The following VWA7 variants were observed in gnomAD, a reference collection of about 807,000 sequenced individuals.
VWA7 encodes the protein von Willebrand factor A domain containing 7.
In VWA7, 66 loss-of-function variants were observed where a neutral mutation model predicts 83.1. The ratio of observed to expected loss-of-function variants is 0.79; its 90% CI spans 0.65 to 0.98. VWA7 has a LOEUF of 0.98. VWA7 is among the 50% of genes least tolerant of loss of function. The probability of loss-of-function intolerance (pLI) is 0.00; values close to 1 mark genes in which losing one functional copy is unlikely to be tolerated. For missense variants in VWA7, 1,080 were observed against 1,160.2 expected (o/e 0.93, Z 1.00); for synonymous variants, 424 against 488.5 (o/e 0.87, Z 1.74).
intron 10 of VWA7, 129 bp from the exon 11 acceptor site, chr6:31,767,883 A>G (rs1269257281): frequency 5.4e-6 from 6 of 1,120,040 alleles, no homozygotes; most frequent in African/African-American, 3.1e-5. Context: ...CTGTAATCCC[A>G]GCACTTTGGG....
rs369499297 is a variant in VWA7, at chr6:31,765,898, C to T, written c.2484G>A (p.Ser828=). The T allele has an allele frequency of 1.5e-5, 24 of 1,613,060 alleles. No individual in the cohort carries two copies. Among genetic ancestry groups the T allele is most frequent in the East Asian group, 1.1e-4 (5 of 44,882 alleles). ...GGTTCCTCACCTGCGGGGCTGGGGC[C>T]GATACCAGGAGCCGGAGGAAAGCAT... The part of the protein sequence containing the change: ...PTHAFLRLLV[S]APAPQDRHTT... The change falls in exon 16 of 17, where the codon TCG becomes TCA. Residue 828 remains serine, a synonymous_variant. Transcript: ENST00000375688.
chr6:31,766,173 C>G lies in VWA7; in HGVS notation c.2324+72G>C. On this transcript the variant is annotated intron_variant, in intron 15 of 16. Transcript: ENST00000375688. This position sits in a 1 kb window ranked among gnomAD's most constrained non-coding sequence, Gnocchi z 4.9. Reference sequence around the variant, plus strand: ...ATTCTGAGGGCCAGTCGGAGGGGGACAGGGGCAGGGCTTGGGATAAGCATT... The same window carrying G: ...ATTCTGAGGGCCAGTCGGAGGGGGAGAGGGGCAGGGCTTGGGATAAGCATT... 6.3e-7 allele frequency: 1 copy of G among 1,596,062 alleles called. No homozygotes were observed. The highest frequency in any genetic ancestry group is 1.1e-5 in the South Asian group (1 of 89,398).
Position 31,769,131 on chromosome 6 carries a change from G to T in VWA7, c.1390C>A (p.Arg464Ser). Residue 464 changes from arginine to serine, a missense_variant, in exon 10 of 17, where the codon CGT becomes AGT. Arg to Ser is a moderately radical substitution (Grantham distance 110). Transcript: ENST00000375688. This position sits in a 1 kb window ranked among gnomAD's most constrained non-coding sequence, Gnocchi z 4.5. ...GCCACTGCTTTGTATGGCTCAAAAC[G>T]CAGAGGGGACAAGATCTCACGCCGA... ...RARREILSPL[R>S]FEPYKAVALA... The T allele has an allele frequency of 6.2e-7, 1 of 1,613,066 alleles. No homozygotes were observed. The highest frequency in any genetic ancestry group is 8.5e-7 in the Non-Finnish European group (1 of 1,180,028).
chr6:31,772,927 C>T (rs764586383), intron 7 of VWA7, 27 bp downstream of exon 7: 60 of 1,598,858 alleles, frequency 3.8e-5, no homozygotes, highest in African/African-American at 5.3e-5. Context: ...TTCCTCCCCT[C>T]TACTGTCCTA....
chr6:31,766,569 G>A lies in VWA7; in HGVS notation c.2078C>T (p.Ser693Phe). 6.2e-7 allele frequency: 1 copy of A among 1,612,914 alleles called. No homozygotes were observed. Among genetic ancestry groups the A allele is most frequent in the Non-Finnish European group, 8.5e-7 (1 of 1,180,016 alleles). Residue 693 changes from serine (S) to phenylalanine (F), a missense_variant, in exon 14 of 17, where the codon TCC becomes TTC. Transcript: ENST00000375688. This position sits in a 1 kb window ranked among gnomAD's most constrained non-coding sequence, Gnocchi z 4.9. Reference protein sequence around the residue: ...LAASLSPTLLSTPRPFSLELI... With the variant: ...LAASLSPTLLFTPRPFSLELI... Reference sequence around the variant, plus strand: ...CTCCAGGGAGAAGGGTCTAGGGGTGGACAGCAGCGTGGGCGACAGCGAGGC... The same window carrying A: ...CTCCAGGGAGAAGGGTCTAGGGGTGAACAGCAGCGTGGGCGACAGCGAGGC...
Position 31,767,717 on chromosome 6 carries a change from C to T in VWA7, c.1541G>A (p.Gly514Glu). 6.2e-7 allele frequency: 1 copy of T among 1,612,780 alleles called. No individual in the cohort carries two copies. The highest frequency in any genetic ancestry group is 8.5e-7 in the Non-Finnish European group (1 of 1,178,896). Reference sequence around the variant, plus strand: ...ATCCACGCTGAACACAAGTGGCTGCCCAGGCACCACAACAGGAGGGTCCAG... The same window carrying T: ...ATCCACGCTGAACACAAGTGGCTGCTCAGGCACCACAACAGGAGGGTCCAG... ...LPLDPPVVVPGQPLVFSVDGL... is the reference protein window; with the variant it reads ...LPLDPPVVVPEQPLVFSVDGL... Residue 514 changes from glycine to glutamate, a missense_variant, in exon 11 of 17, where the codon GGG becomes GAG. By Grantham distance (98) the Gly-to-Glu change is moderately conservative. Coordinates refer to ENST00000375688, the MANE Select transcript of VWA7 (RefSeq NM_025258.3).
Position 31,770,195 on chromosome 6 carries a change from G to T in VWA7, c.1088-82C>A, listed in dbSNP as rs1442183425. ...CCAGAGCCACCTCCCCAGTTGAGGG[G>T]CCTGGTGTGCTTCTGGAGCCGACAG... On this transcript the variant is annotated intron_variant, in intron 7 of 16. Coordinates refer to ENST00000375688, the MANE Select transcript of VWA7 (RefSeq NM_025258.3). 4 of 1,100,360 alleles carry T rather than the reference G, an allele frequency of 3.6e-6. No individual in the cohort carries two copies. In the South Asian group the frequency reaches 5.5e-5, roughly 15 times the overall value. The allele number at this position is 1,100,360 out of a possible 1,614,324, so 68.2% of individuals were successfully genotyped here.
In VWA7 at chr6:31,774,622, G is replaced by A. The variant is rs777262602; in HGVS notation, c.615C>T (p.Ala205=). The change falls in exon 5 of 17, where the codon GCC becomes GCT. Residue 205 remains alanine, a synonymous_variant. Coordinates refer to ENST00000375688, the MANE Select transcript of VWA7 (RefSeq NM_025258.3). The part of the protein sequence containing the change: ...RQELQNLAQV[A]DPTCSDCEEL... ...CCTCGCAATCGGAGCAGGTAGGATCGGCCACTGGGAAGAGAGGGCAGGGCT... is the reference window on the plus strand; with the variant it reads ...CCTCGCAATCGGAGCAGGTAGGATCAGCCACTGGGAAGAGAGGGCAGGGCT... The A allele has an allele frequency of 2.5e-5, 40 of 1,611,152 alleles. No individual in the cohort carries two copies. Among genetic ancestry groups the A allele is most frequent in the Non-Finnish European group, 3.1e-5 (36 of 1,179,224 alleles).
In VWA7 at chr6:31,766,316, G is replaced by A; in HGVS notation, c.2253C>T (p.Phe751=). The A allele has an allele frequency of 6.2e-7, 1 of 1,611,814 alleles. No individual in the cohort carries two copies. Among genetic ancestry groups the A allele is most frequent in the Non-Finnish European group, 8.5e-7 (1 of 1,179,652 alleles). ...KVPLSLRIAS[F]SGPQDLDLRT... is the part of the protein sequence containing the mutation. ...TAAGGTCAAGATCCTGAGGGCCCGA[G>A]AAGCTGGCGATGCGGAGACTGAGCG... The change falls in exon 15 of 17, where the codon TTC becomes TTT. Residue 751 remains phenylalanine, a synonymous_variant. Transcript: ENST00000375688. The surrounding 1 kb of genome is among the most constrained non-coding windows in gnomAD (Gnocchi z 4.9).
Position 31,765,748 on chromosome 6 carries a change from C to G in VWA7, c.2522G>C (p.Gly841Ala), listed in dbSNP as rs1464513985. 1 of 1,588,044 alleles carries G rather than the reference C, an allele frequency of 6.3e-7. No homozygotes were observed. Among genetic ancestry groups the G allele is most frequent in the South Asian group, 1.1e-5 (1 of 87,596 alleles). ...APQDRHTTPT[G>A]SSDPILTTAT... ...CGTGGTGAGGATCGGGTCAGATGAG[C>G]CGGTAGGGGTGGTGTGCCGGTCCTG... Residue 841 changes from glycine (G) to alanine (A), a missense_variant, in exon 17 of 17, where the codon GGC becomes GCC. Coordinates refer to ENST00000375688, the MANE Select transcript of VWA7 (RefSeq NM_025258.3).
rs533427427 is a variant in VWA7, at chr6:31,775,875, T to C, written c.513+89A>G. 7.9e-6 allele frequency: 12 copies of C among 1,509,972 alleles called. No individual in the cohort carries two copies. Among genetic ancestry groups the C allele is most frequent in the Admixed American group, 2.1e-5 (1 of 47,162 alleles). 93.5% of individuals were successfully genotyped at this position (1,509,972 alleles called of 1,614,324 possible). A position where few individuals can be genotyped will look rare whatever the true frequency, so the allele number is the denominator to read the frequency against. On this transcript the variant is annotated intron_variant, in intron 3 of 16. Coordinates refer to ENST00000375688, the MANE Select transcript of VWA7 (RefSeq NM_025258.3). This position sits in a 1 kb window ranked among gnomAD's most constrained non-coding sequence, Gnocchi z 5.9. ...CACCCCTTCCAGAGTGGAGGAGACA[T>C]GATCAAGAAGGCACCATAGGACGCG...
At position 31,769,276 on chromosome 6, in the gene VWA7, C is replaced by A; in HGVS notation, c.1318-73G>T. 1 of 1,517,072 alleles carries A rather than the reference C, an allele frequency of 6.6e-7. No homozygotes were observed. The highest frequency in any genetic ancestry group is 8.9e-7 in the Non-Finnish European group (1 of 1,122,510). 94.0% of individuals were successfully genotyped at this position (1,517,072 alleles called of 1,614,324 possible). A position where few individuals can be genotyped will look rare whatever the true frequency, so the allele number is the denominator to read the frequency against. On this transcript the variant is annotated intron_variant, in intron 9 of 16. Coordinates refer to ENST00000375688, the MANE Select transcript of VWA7 (RefSeq NM_025258.3). The surrounding 1 kb of genome is among the most constrained non-coding windows in gnomAD (Gnocchi z 4.5). ...ACTATTATGAATGAGAATCCCTGTG[C>A]TCAAGCTTTCTCCAGAGCTGATGGT...
rs995440343 is a variant in VWA7, at chr6:31,773,585, G to A, written c.722-148C>T. 25 of 826,994 alleles carry A rather than the reference G, an allele frequency of 3.0e-5. No individual in the cohort carries two copies. The African/African-American group carries it at 3.3e-4, about 11-fold the overall frequency. 51.2% of individuals were successfully genotyped at this position (826,994 alleles called of 1,614,324 possible). On this transcript the variant is annotated intron_variant, in intron 5 of 16. Coordinates refer to ENST00000375688, the MANE Select transcript of VWA7 (RefSeq NM_025258.3). This position sits in a 1 kb window ranked among gnomAD's most constrained non-coding sequence, Gnocchi z 5.3. Reference sequence around the variant, plus strand: ...TGACGGGGTTGGCGCGGTGGCTCACGCCTGGAATCCCAGCGCTTTGGGAGG... The same window carrying A: ...TGACGGGGTTGGCGCGGTGGCTCACACCTGGAATCCCAGCGCTTTGGGAGG...
In VWA7 at chr6:31,766,233, C is replaced by T. The variant is rs1225097457; in HGVS notation, c.2324+12G>A. Reference sequence around the variant, plus strand: ...AGATGCCAGAGGGAGCTGGAGGGTTCATGAGCCTCACCTGGAGAGGTTGGA... The same window carrying T: ...AGATGCCAGAGGGAGCTGGAGGGTTTATGAGCCTCACCTGGAGAGGTTGGA... On this transcript the variant is annotated intron_variant, in intron 15 of 16. Transcript: ENST00000375688. This position sits in a 1 kb window ranked among gnomAD's most constrained non-coding sequence, Gnocchi z 4.9. 12 of 1,611,470 alleles carry T rather than the reference C, an allele frequency of 7.4e-6. No homozygotes were observed.
Position 31,775,315 on chromosome 6 carries a change from C to G in VWA7, c.610+18G>C. ...GGCCCTGTGGACTCCTGCCTCACCACCAGGGTCACAGCCATACCTTGTGCC... is the reference window on the plus strand; with the variant it reads ...GGCCCTGTGGACTCCTGCCTCACCAGCAGGGTCACAGCCATACCTTGTGCC... On this transcript the variant is annotated intron_variant, in intron 4 of 16. Coordinates refer to ENST00000375688, the MANE Select transcript of VWA7 (RefSeq NM_025258.3). This position sits in a 1 kb window ranked among gnomAD's most constrained non-coding sequence, Gnocchi z 5.9. 6.2e-7 allele frequency: 1 copy of G among 1,603,334 alleles called. No individual in the cohort carries two copies. Among genetic ancestry groups the G allele is most frequent in the Non-Finnish European group, 8.5e-7 (1 of 1,174,362 alleles).
intron 7 of VWA7, among the ~76,000 whole-genome samples, chr6:31,770,365 C>A (rs1459877250): frequency 6.6e-6 from 1 of 151,562 alleles, no homozygotes; most frequent in Non-Finnish European, 1.5e-5. Flanking sequence ...CATGGTGAAA[C>A]CTCGTCTCTA....
At position 31,776,096 on chromosome 6, in the gene VWA7, G is replaced by T; in HGVS notation, c.381C>A (p.His127Gln). 3.7e-6 allele frequency: 6 copies of T among 1,614,042 alleles called. No homozygotes were observed. Among genetic ancestry groups the T allele is most frequent in the Non-Finnish European group, 5.1e-6 (6 of 1,180,032 alleles). The part of the protein sequence containing the change: ...LPTSRNDPDL[H>Q]FDAERLGQGR... ...CCTGACCCAGTCGCTCAGCATCAAA[G>T]TGCAGGTCGGGGTCATTCCTGGAAG... The change falls in exon 3 of 17, where the codon CAC becomes CAA. Residue 127 changes from histidine (H) to glutamine (Q), a missense_variant. Transcript: ENST00000375688. This position sits in a 1 kb window ranked among gnomAD's most constrained non-coding sequence, Gnocchi z 6.2.
chr6:31,770,621 GGGGCA>G (rs1335857598), intron 7 of VWA7, among the ~76,000 whole-genome samples: 1 of 150,908 alleles, frequency 6.6e-6, no homozygotes, highest in Non-Finnish European at 1.5e-5. Context: ...GGGGCAGGGC[GGGGCA>G]GGGCAGGGCA....
chr6:31,769,714 G>A lies in VWA7; in HGVS notation c.1278C>T (p.Thr426=), dbSNP rs774440992. 1 of 1,613,048 alleles carries A rather than the reference G, an allele frequency of 6.2e-7. No homozygotes were observed. The highest frequency in any genetic ancestry group is 8.5e-7 in the Non-Finnish European group (1 of 1,180,032). ...TDASPKDAFL[T]NQVESLTQER... is the part of the protein sequence containing the mutation. ...CCTGAGTCAGGGATTCCACCTGGTT[G>A]GTGAGAAAGGCATCCTTGGGGGAGG... The change falls in exon 9 of 17, where the codon ACC becomes ACT. Residue 426 remains threonine (T), a synonymous_variant. Coordinates refer to ENST00000375688, the MANE Select transcript of VWA7 (RefSeq NM_025258.3). The surrounding 1 kb of genome is among the most constrained non-coding windows in gnomAD (Gnocchi z 4.5).
Sources: allele counts gnomAD v4.1 joint callset (sites outside exome capture counted in the v4.1 genomes callset), GRCh38; gene constraint gnomAD v4.1.1; non-coding constraint Gnocchi (gnomAD v3.1); transcripts MANE v1.5; gene names NCBI Gene and HGNC (gene_info 2026-07-23, HGNC 2026-07-21).